Variants in ADAMTSL1 observed in about 807,000 individuals in gnomAD.
The protein encoded by ADAMTSL1 is ADAMTS-like protein 1.
Under a neutral mutation model 201.8 loss-of-function variants are expected in ADAMTSL1, and 126 were observed. The observed-to-expected ratio is 0.62, with a 90% CI of 0.54 to 0.72. The LOEUF is 0.72. Among genes scored for constraint, ADAMTSL1 ranks in the 30% least tolerant of loss-of-function variants. The pLI is 0.00. For missense variants in ADAMTSL1, 2,679 were observed against 2,277.8 expected (o/e 1.18, Z -3.59); for synonymous variants, 1,121 against 903.4 (o/e 1.24, Z -4.32).
chr9:18,112,718 G>A (rs896544214), intron 1 of ADAMTSL1, among the ~76,000 whole-genome samples: 4 of 152,106 alleles, frequency 2.6e-5, no homozygotes, highest in African/African-American at 4.8e-5. Flanking sequence ...ATTTCATTTG[G>A]TAGACATTTG....
At chr9:18,562,560 G>T (rs929822491) in intron 3 of ADAMTSL1, among the ~76,000 whole-genome samples, 2 of 152,106 alleles carry the variant, frequency 1.3e-5, no homozygotes, top group African/African-American at 4.8e-5. Flanking sequence ...TTGAATGTTG[G>T]CCTGTCTTGC....
intron 6 of ADAMTSL1, among the ~76,000 whole-genome samples, chr9:18,637,284 T>A (rs1293744504): frequency 6.6e-6 from 1 of 152,156 alleles, no homozygotes; most frequent in East Asian, 1.9e-4. Context: ...TGATTCATTT[T>A]TCCCCATTTG....
intron 1 of ADAMTSL1, among the ~76,000 whole-genome samples, chr9:18,000,351 C>T (rs144901318): frequency 6.6e-6 from 1 of 151,888 alleles, no homozygotes; most frequent in Admixed American, 6.6e-5. Context: ...TTCTTTCCTT[C>T]CCCCCAACAT....
intron 2 of ADAMTSL1, among the ~76,000 whole-genome samples, chr9:18,375,557 C>T (rs1241447050): frequency 6.6e-6 from 1 of 152,162 alleles, no homozygotes; most frequent in Non-Finnish European, 1.5e-5. Flanking sequence ...TTTAGTATGA[C>T]TCCTCCTTCT....
chr9:18,478,882 G>C (rs552521678), intron 1 of ADAMTSL1, among the ~76,000 whole-genome samples: 1 of 152,116 alleles, frequency 6.6e-6, no homozygotes, highest in African/African-American at 2.4e-5. Context: ...TTCAAACTTT[G>C]TGTTTTCACC....
chr9:18,716,458 A>T (rs1046183560), intron 14 of ADAMTSL1, among the ~76,000 whole-genome samples: 18 of 152,314 alleles, frequency 1.2e-4, no homozygotes, highest in South Asian at 2.1e-4. Context: ...AAAAGAAGAC[A>T]TTTATGCAGC....
Position 17,941,967 on chromosome 9 carries a change from G to A in ADAMTSL1, c.87+35045G>A, listed in dbSNP as rs192368279. ...AGGACAGGCTAATTGCCTACCAAAG[G>A]CCCCACCTCCTACTACCGTCACATT... On this transcript the variant is annotated intron_variant, in intron 1 of 29. Coordinates refer to the ADAMTSL1 transcript ENST00000680146. 5.3e-5 allele frequency among the ~76,000 whole-genome samples: 8 copies of A among 152,186 alleles called. No homozygotes were observed. In the East Asian group the frequency reaches 1.5e-3, roughly 29 times the overall value.
chr9:17,973,869 G>A (rs890063185), intron 1 of ADAMTSL1, among the ~76,000 whole-genome samples: 11 of 150,268 alleles, frequency 7.3e-5, no homozygotes, highest in African/African-American at 2.7e-4. Context: ...TCTCCTTGAA[G>A]AGGTCCTTCA....
At chr9:18,785,688 A>G (rs1821670958) in intron 19 of ADAMTSL1, among the ~76,000 whole-genome samples, 1 of 152,142 alleles carries the variant, frequency 6.6e-6, no homozygotes, top group African/African-American at 2.4e-5. Context: ...AGAGTATAAC[A>G]CCCCTAGCCA....
rs1280310548 is a variant in ADAMTSL1 at position 18,189,769 on chromosome 9, GT to G, written c.207+25795del. Reference sequence around the variant, plus strand: ...TATAGAACTGTGTTTGGCAAGATATGTTTTTTTAAAAAAAACTCCTCAAGTT... The same window carrying G: ...TATAGAACTGTGTTTGGCAAGATATGTTTTTTAAAAAAAACTCCTCAAGTT... On this transcript the variant is annotated intron_variant, in intron 2 of 29. Coordinates refer to the ADAMTSL1 transcript ENST00000680146. Among the ~76,000 whole-genome samples the G allele has an allele frequency of 6.6e-5, 10 of 152,024 alleles. No homozygotes were observed. In the South Asian group the frequency reaches 2.1e-3, roughly 32 times the overall value.
At chr9:18,744,822 T>G (rs913250383) in intron 15 of ADAMTSL1, among the ~76,000 whole-genome samples, 1 of 152,242 alleles carries the variant, frequency 6.6e-6, no homozygotes, top group African/African-American at 2.4e-5. Context: ...CAGTCTTCTA[T>G]CTTTCATATA....
At chr9:18,422,251 T>C (rs1017915752) in intron 2 of ADAMTSL1, among the ~76,000 whole-genome samples, 7 of 152,136 alleles carry the variant, frequency 4.6e-5, no homozygotes, top group African/African-American at 1.7e-4. Context: ...CTTTGTAAAT[T>C]TGGATGAGGT....
At chr9:18,889,420 C>T (rs374501400) in intron 24 of ADAMTSL1, 148 bp from the exon 25 acceptor site, 19 of 840,568 alleles carry the variant, frequency 2.3e-5, no homozygotes, top group South Asian at 1.6e-4. Flanking sequence ...TGGTTCCCTG[C>T]GAGGAGCAGG....
At chr9:18,762,176 A>G (rs575501337) in intron 16 of ADAMTSL1, among the ~76,000 whole-genome samples, 17 of 152,280 alleles carry the variant, frequency 1.1e-4, no homozygotes, top group Admixed American at 9.8e-4. Context: ...TTTCCTCAAA[A>G]GACTCATAAT....
At chr9:17,994,945 C>T (rs944757990) in intron 1 of ADAMTSL1, among the ~76,000 whole-genome samples, 2 of 152,096 alleles carry the variant, frequency 1.3e-5, no homozygotes, top group African/African-American at 4.8e-5. Flanking sequence ...TAGCTGAAAG[C>T]AGGCTTGGAG....
intron 25 of ADAMTSL1, among the ~76,000 whole-genome samples, chr9:18,891,026 TG>T (rs1829230731): frequency 6.6e-6 from 1 of 152,174 alleles, no homozygotes; most frequent in African/African-American, 2.4e-5. Flanking sequence ...TCTGCTCCTG[TG>T]GGTTGGAAAT....
intron 20 of ADAMTSL1, among the ~76,000 whole-genome samples, chr9:18,801,584 A>G (rs1822809976): frequency 2.0e-5 from 3 of 152,132 alleles, no homozygotes; most frequent in Admixed American, 2.0e-4. Flanking sequence ...CTTCGTGTTC[A>G]TGAATTCTCA....
chr9:17,998,055 C>T (rs1197420353), intron 1 of ADAMTSL1, among the ~76,000 whole-genome samples: 1 of 152,018 alleles, frequency 6.6e-6, no homozygotes, highest in Non-Finnish European at 1.5e-5. Flanking sequence ...TGAATATTCT[C>T]CATTAATAAA....
chr9:17,981,725 A>C (rs931932792), intron 1 of ADAMTSL1, among the ~76,000 whole-genome samples: 4 of 152,166 alleles, frequency 2.6e-5, no homozygotes. Context: ...TTCAAGGTTC[A>C]CTGTATGATC....
Sources: gnomAD v4.1 joint callset for allele counts (sites outside exome capture counted in the v4.1 genomes callset) on GRCh38, gnomAD v4.1.1 for gene constraint, MANE v1.5 for transcripts, NCBI Gene and HGNC (gene_info 2026-07-23, HGNC 2026-07-21) for gene names.